PRKN: variants seen among roughly 807,000 people sequenced by gnomAD.
PRKN encodes E3 ubiquitin-protein ligase parkin.
PRKN carries 56 observed loss-of-function variants against 59.5 expected under a neutral mutation model. The ratio of observed to expected loss-of-function variants is 0.94; its 90% CI spans 0.76 to 1.18. The LOEUF is 1.18. Ranked by LOEUF, PRKN falls within the 50% of genes most tolerant of loss-of-function variation. The pLI is 0.00. For synonymous variants in PRKN, 250 were observed against 222.1 expected (o/e 1.13, Z -1.12); for missense variants, 657 against 596.4 (o/e 1.10, Z -1.06).
intron 1 of PRKN, among the ~76,000 whole-genome samples, chr6:162,556,364 T>TGTGTGTGTGCGC (rs1554243417): frequency 0.013 from 1,161 of 91,222 alleles, 22 homozygotes; most frequent in South Asian, 0.037. Flanking sequence ...TGTGTGTGTG[T>TGTGTGTGTGCGC]GTGTGTGTGT....
intron 7 of PRKN, among the ~76,000 whole-genome samples, chr6:161,573,686 T>C (rs1324282489): frequency 7.2e-5 from 9 of 124,898 alleles, no homozygotes; most frequent in African/African-American, 1.5e-4. Context: ...CGCCACTGCG[T>C]TCCAGCCTGG....
chr6:162,663,282 A>G (rs1179352750), intron 1 of PRKN, among the ~76,000 whole-genome samples: 1 of 152,122 alleles, frequency 6.6e-6, no homozygotes, highest in Non-Finnish European at 1.5e-5. Flanking sequence ...TGTGGCAGGG[A>G]AGAGTTAATA....
intron 7 of PRKN, among the ~76,000 whole-genome samples, chr6:161,748,503 A>G (rs1387871609): frequency 6.6e-6 from 1 of 152,082 alleles, no homozygotes; most frequent in Non-Finnish European, 1.5e-5. Context: ...GGCTCAGAAA[A>G]TCACCTCCTC....
rs1364021701 is a variant in PRKN at position 161,402,847 on chromosome 6, G to C, written c.1084-15970C>G. 6.6e-6 allele frequency among the ~76,000 whole-genome samples: 1 copy of C among 152,064 alleles called. No individual in the cohort carries two copies. Among genetic ancestry groups the C allele is most frequent in the Non-Finnish European group, 1.5e-5 (1 of 68,024 alleles). On this transcript the variant is annotated intron_variant, in intron 9 of 11. Transcript: ENST00000366898. The surrounding 1 kb of genome is among the most constrained non-coding windows in gnomAD (Gnocchi z 4.5). ...CTCTCAGGTAATAAAAGTTGTCTCC[G>C]AGCAGCCCTGAGCAGAACAGGCAGT...
chr6:162,172,191 A>G (rs1783311926), intron 4 of PRKN, among the ~76,000 whole-genome samples: 1 of 152,208 alleles, frequency 6.6e-6, no homozygotes, highest in African/African-American at 2.4e-5. Flanking sequence ...GCCTGGTTCT[A>G]AGTAACTAAA....
intron 6 of PRKN, among the ~76,000 whole-genome samples, chr6:161,880,018 G>C (rs1794872914): frequency 6.6e-6 from 1 of 152,116 alleles, no homozygotes; most frequent in South Asian, 2.1e-4. Context: ...AAAGAAGCTT[G>C]GAGTCTGATA....
intron 6 of PRKN, among the ~76,000 whole-genome samples, chr6:161,906,701 T>C (rs1778163434): frequency 6.7e-6 from 1 of 149,254 alleles, no homozygotes; most frequent in African/African-American, 2.5e-5. Flanking sequence ...TTTAGTAGTA[T>C]TGACTCACAA....
chr6:161,875,045 ATT>A (rs1794672287), intron 6 of PRKN, among the ~76,000 whole-genome samples: 1 of 119,312 alleles, frequency 8.4e-6, no homozygotes, highest in South Asian at 2.5e-4. Context: ...TAAATTATAT[ATT>A]ATATATAAAG....
intron 5 of PRKN, among the ~76,000 whole-genome samples, chr6:161,975,581 TCTGAA>T (rs1780996790): frequency 5.3e-5 from 8 of 152,196 alleles, no homozygotes; most frequent in African/African-American, 1.9e-4. Flanking sequence ...CAGCCCTTGG[TCTGAA>T]GCTGTAGTGT....
At chr6:162,666,348 G>T (rs867967235) in intron 1 of PRKN, among the ~76,000 whole-genome samples, 13 of 151,642 alleles carry the variant, frequency 8.6e-5, no homozygotes, top group Non-Finnish European at 7.4e-5. Context: ...AAGTAAATCT[G>T]CAAAGAAGCT....
At chr6:161,816,202 A>G (rs1049551251) in intron 6 of PRKN, among the ~76,000 whole-genome samples, 1 of 152,142 alleles carries the variant, frequency 6.6e-6, no homozygotes, top group Non-Finnish European at 1.5e-5. Context: ...CATATGCAGC[A>G]GCATGCGTGA....
intron 3 of PRKN, among the ~76,000 whole-genome samples, chr6:162,210,107 AAAAATAAAAT>A (rs142809214): frequency 1.4e-5 from 2 of 144,160 alleles, no homozygotes; most frequent in African/African-American, 5.1e-5. Flanking sequence ...TATAATAATA[AAAAATAAAAT>A]AAAATAAAAT....
chr6:162,058,575 GCTTCT>G (rs1196928833), intron 4 of PRKN, among the ~76,000 whole-genome samples: 1 of 152,178 alleles, frequency 6.6e-6, no homozygotes. Flanking sequence ...GGACAACATT[GCTTCT>G]CTTCTCTGGA....
chr6:161,833,771 C>A (rs1475645517), intron 6 of PRKN, among the ~76,000 whole-genome samples: 1 of 152,132 alleles, frequency 6.6e-6, no homozygotes, highest in Non-Finnish European at 1.5e-5. Context: ...ACAGTGGACA[C>A]AGAGGTGGAG....
In PRKN at chr6:161,562,829, A is replaced by G. The variant is rs992454666; in HGVS notation, c.933+6526T>C. Among the ~76,000 whole-genome samples the G allele has an allele frequency of 3.3e-5, 5 of 152,212 alleles. No homozygotes were observed. The highest frequency in any genetic ancestry group is 7.3e-5 in the Non-Finnish European group (5 of 68,034). On this transcript the variant is annotated intron_variant, in intron 8 of 11. Coordinates refer to ENST00000366898, the MANE Select transcript of PRKN (RefSeq NM_004562.3). This position sits in a 1 kb window ranked among gnomAD's most constrained non-coding sequence, Gnocchi z 4.3. ...AACTGTCTTAATCCAGAGCCTCTCC[A>G]TATTGCAACAAGATTGACATACTCA...
At chr6:162,005,174 A>C (rs999140357) in intron 5 of PRKN, among the ~76,000 whole-genome samples, 1 of 152,228 alleles carries the variant, frequency 6.6e-6, no homozygotes, top group Non-Finnish European at 1.5e-5. Context: ...AAGGGAAATG[A>C]CAACATATTT....
chr6:162,199,298 T>C (rs1037445061), intron 4 of PRKN, among the ~76,000 whole-genome samples: 3 of 152,156 alleles, frequency 2.0e-5, no homozygotes, highest in Non-Finnish European at 4.4e-5. Context: ...TCCACACTCA[T>C]AAGTTCCTCT....
At chr6:162,201,900 A>C (rs112698719) in intron 3 of PRKN, among the ~76,000 whole-genome samples, 156 of 152,306 alleles carry the variant, frequency 1.0e-3, no homozygotes, top group African/African-American at 3.5e-3. Flanking sequence ...TCAAGAGTAA[A>C]AGGTGAACAA....
At chr6:162,387,555 CAGAGAGAG>C (rs60548327) in intron 2 of PRKN, among the ~76,000 whole-genome samples, 4,449 of 95,370 alleles carry the variant, frequency 0.047, 139 homozygotes, top group African/African-American at 0.1. Context: ...CACACACACA[CAGAGAGAG>C]AGAGAGAGAG....
Sources: gnomAD v4.1 joint callset for allele counts (sites outside exome capture counted in the v4.1 genomes callset) on GRCh38, gnomAD v4.1.1 for gene constraint, Gnocchi (gnomAD v3.1) non-coding constraint, MANE v1.5 for transcripts, NCBI Gene and HGNC (gene_info 2026-07-23, HGNC 2026-07-21) for gene names.